Variants in PBX3 observed in about 807,000 individuals in gnomAD.
The protein encoded by PBX3 is pre-B-cell leukemia transcription factor 3.
PBX3 carries 14 observed loss-of-function variants against 48.5 expected under a neutral mutation model. The ratio of observed to expected loss-of-function variants is 0.29; its 90% CI spans 0.19 to 0.45. PBX3 has a LOEUF of 0.45. PBX3 is among the 20% of genes least tolerant of loss of function. The pLI, the probability that PBX3 is intolerant of heterozygous loss-of-function variation, is 1.00. For missense variants in PBX3, 386 were observed against 546.7 expected, an observed-to-expected ratio of 0.71 and a Z score of 2.93; for synonymous variants, 210 against 200.3, an observed-to-expected ratio of 1.05 and a Z score of -0.41.
chr9:125,836,767 A>G (rs1839148242), intron 2 of PBX3, among the ~76,000 whole-genome samples: 1 of 152,246 alleles, frequency 6.6e-6, no homozygotes, highest in Non-Finnish European at 1.5e-5. Context: ...ATATCCTACC[A>G]TAAATATGTA....
chr9:125,794,275 A>G (rs111804003), intron 2 of PBX3, among the ~76,000 whole-genome samples: 3,920 of 152,354 alleles, frequency 0.026, 67 homozygotes, highest in Middle Eastern at 0.051. Context: ...GGAGCTTATT[A>G]AAACTGAAGA....
At chr9:125,870,210 A>G (rs536935395) in intron 2 of PBX3, among the ~76,000 whole-genome samples, 1 of 152,146 alleles carries the variant, frequency 6.6e-6, no homozygotes, top group South Asian at 2.1e-4. Context: ...CTGGGATTGC[A>G]GGTGTGCGCC....
In PBX3 at chr9:125,929,673, A is replaced by G; in HGVS notation, c.535A>G (p.Thr179Ala). The G allele has an allele frequency of 6.2e-7, 1 of 1,610,342 alleles. No individual in the cohort carries two copies. The highest frequency in any genetic ancestry group is 8.5e-7 in the Non-Finnish European group (1 of 1,178,394). The change falls in exon 4 of 9, where the codon ACA becomes GCA. Residue 179 changes from threonine (T) to alanine (A), a missense_variant. Thr to Ala is a moderately conservative substitution (Grantham distance 58). This residue lies in a region of PBX3 where 74 missense variants were observed against 206.1 expected (regional missense o/e 0.36). Coordinates refer to ENST00000373489, the MANE Select transcript of PBX3 (RefSeq NM_006195.6). ...ATTACAGGCATGTAATGAATTTACT[A>G]CACATGTGATGAACCTTCTCCGAGA... ...KYEQACNEFT[T>A]HVMNLLREQS...
chr9:125,824,208 T>A (rs4258094), intron 2 of PBX3, among the ~76,000 whole-genome samples: 107,703 of 152,126 alleles, frequency 0.71, 38,696 homozygotes, highest in African/African-American at 0.8. Context: ...TAAGGAAGTG[T>A]CCTGAAAGTG....
At chr9:125,860,214 A>AT (rs1490210959) in intron 2 of PBX3, among the ~76,000 whole-genome samples, 5 of 152,212 alleles carry the variant, frequency 3.3e-5, no homozygotes, top group Admixed American at 2.6e-4. Flanking sequence ...TAAGTAAAGC[A>AT]ACTTCTGGAT....
At chr9:125,921,983 C>T (rs925077648) in intron 3 of PBX3, among the ~76,000 whole-genome samples, 9 of 152,178 alleles carry the variant, frequency 5.9e-5, no homozygotes, top group African/African-American at 2.2e-4. Context: ...CCCCCAAAAT[C>T]AGTGCTTGCC....
At chr9:125,928,360 C>T (rs1265772266) in intron 3 of PBX3, among the ~76,000 whole-genome samples, 4 of 150,870 alleles carry the variant, frequency 2.7e-5, no homozygotes, top group Non-Finnish European at 5.9e-5. Context: ...GCCTGGGTGA[C>T]ACAGTGAGAC....
Position 125,801,826 on chromosome 9 carries a change from T to C in PBX3, c.274+53203T>C, listed in dbSNP as rs953392992. Among the ~76,000 whole-genome samples the C allele has an allele frequency of 1.1e-3, 85 of 74,812 alleles. 2 individuals are homozygous for C. Among genetic ancestry groups the C allele is most frequent in the East Asian group, 4.0e-3 (11 of 2,772 alleles). 49.1% of individuals were successfully genotyped at this position (74,812 alleles called of 152,430 possible). A position where few individuals can be genotyped will look rare whatever the true frequency, so the allele number is the denominator to read the frequency against. On this transcript the variant is annotated intron_variant, in intron 2 of 8. Coordinates refer to ENST00000373489, the MANE Select transcript of PBX3 (RefSeq NM_006195.6). ...ACACACACACACACACACACACACA[T>C]ATTCTTAACTTTCTGAATCATTTAT...
chr9:125,932,239 A>G (rs927527029), intron 4 of PBX3, among the ~76,000 whole-genome samples: 1 of 152,174 alleles, frequency 6.6e-6, no homozygotes, highest in African/African-American at 2.4e-5. Flanking sequence ...GATCTTGCTC[A>G]TCGTTCCGGA....
intron 2 of PBX3, among the ~76,000 whole-genome samples, chr9:125,762,307 A>G (rs1001597903): frequency 6.6e-6 from 1 of 152,148 alleles, no homozygotes; most frequent in African/African-American, 2.4e-5. Flanking sequence ...GTAGTTCCCC[A>G]AAAAATATAG....
At chr9:125,965,806 C>G (rs759288344) in intron 8 of PBX3, 25 bp from the exon 9 acceptor site, 2 of 1,565,182 alleles carry the variant, frequency 1.3e-6, no homozygotes, top group African/African-American at 1.4e-5. Context: ...GACGTGCACC[C>G]GTTGAACTGT....
intron 2 of PBX3, among the ~76,000 whole-genome samples, chr9:125,901,588 A>G (rs1840947264): frequency 6.6e-6 from 1 of 151,742 alleles, no homozygotes; most frequent in Non-Finnish European, 1.5e-5. Context: ...GAGCATAAAT[A>G]AAAGGAGATT....
intron 2 of PBX3, among the ~76,000 whole-genome samples, chr9:125,906,802 G>T (rs146104521): frequency 2.6e-5 from 4 of 152,000 alleles, no homozygotes; most frequent in Admixed American, 2.6e-4. Flanking sequence ...ATTCATTTCA[G>T]CTGTGGATTA....
intron 2 of PBX3, among the ~76,000 whole-genome samples, chr9:125,857,456 TC>T (rs1417884475): frequency 1.3e-5 from 2 of 152,134 alleles, no homozygotes; most frequent in African/African-American, 4.8e-5. Context: ...TCCCCATTCT[TC>T]CCTTCTACTC....
intron 2 of PBX3, among the ~76,000 whole-genome samples, chr9:125,782,232 T>G (rs567733271): frequency 6.6e-6 from 1 of 152,308 alleles, no homozygotes; most frequent in Middle Eastern, 3.4e-3. Context: ...AAATAAGAGC[T>G]TGTGCAGGGA....
intron 2 of PBX3, among the ~76,000 whole-genome samples, chr9:125,781,366 G>A (rs943346651): frequency 6.6e-6 from 1 of 151,830 alleles, no homozygotes; most frequent in African/African-American, 2.4e-5. Context: ...AAAAAAGTAC[G>A]AAAACCAGTC....
At chr9:125,753,590 A>G (rs1044462065) in intron 2 of PBX3, among the ~76,000 whole-genome samples, 4 of 152,086 alleles carry the variant, frequency 2.6e-5, no homozygotes, top group Non-Finnish European at 5.9e-5. Context: ...GTCAATACTA[A>G]CTTGATCTGT....
rs372134467 is a variant in PBX3 at position 125,935,701 on chromosome 9, G to A, written c.843+94G>A. ...TTATTATCAAATTTCATATCCAAAT[G>A]TTCTATCATCAAAAAAGATATAAGG... is the stretch of plus-strand genomic sequence containing the variant. On this transcript the variant is annotated intron_variant, in intron 5 of 8. Coordinates refer to ENST00000373489, the MANE Select transcript of PBX3 (RefSeq NM_006195.6). 129 of 1,155,538 alleles carry A rather than the reference G, an allele frequency of 1.1e-4. No homozygotes were observed. The African/African-American group carries it at 1.8e-3, about 16-fold the overall frequency. The allele number at this position is 1,155,538 out of a possible 1,614,324, so 71.6% of individuals were successfully genotyped here. A position where few individuals can be genotyped will look rare whatever the true frequency, so the allele number is the denominator to read the frequency against.
intron 5 of PBX3, among the ~76,000 whole-genome samples, chr9:125,954,581 G>A (rs1366026694): frequency 6.6e-6 from 1 of 152,134 alleles, no homozygotes; most frequent in African/African-American, 2.4e-5. Context: ...CTGTTGACAG[G>A]CTGGAGTGCA....
Sources: allele counts gnomAD v4.1 joint callset (sites outside exome capture counted in the v4.1 genomes callset), GRCh38; gene constraint gnomAD v4.1.1; regional missense constraint gnomAD v4.1.1; transcripts MANE v1.5; gene names NCBI Gene and HGNC (gene_info 2026-07-23, HGNC 2026-07-21).